Variants in DPYSL3 observed in about 807,000 individuals in gnomAD.
The protein encoded by DPYSL3 is dihydropyrimidinase like 3.
DPYSL3 carries 16 observed loss-of-function variants against 66.1 expected under a neutral mutation model. That is an observed-to-expected ratio of 0.24 (90% CI 0.16 to 0.37). The LOEUF is 0.37. DPYSL3 is among the 10% of genes least tolerant of loss of function. DPYSL3 has a pLI of 1.00. For synonymous variants in DPYSL3, 338 were observed against 345.1 expected, an observed-to-expected ratio of 0.98 and a Z score of 0.23; for missense variants, 738 against 916.2, an observed-to-expected ratio of 0.81 and a Z score of 2.51.
At position 147,472,467 on chromosome 5, in the gene DPYSL3, A is replaced by G. The variant is rs533568048; in HGVS notation, c.381+37011T>C. ...CCTCTTTTCATTTCTTCAGTGGAGA[A>G]TTCTTTGCTTCCAACCTCTTTGGGT... On this transcript the variant is annotated intron_variant, in intron 1 of 13. Transcript: ENST00000343218. Among the ~76,000 whole-genome samples, 72 of 152,308 alleles carry G rather than the reference A, an allele frequency of 4.7e-4. No homozygotes were observed. In the South Asian group the frequency reaches 6.0e-3, roughly 13 times the overall value.
chr5:147,404,336 C>A (rs1309854959), intron 8 of DPYSL3, among the ~76,000 whole-genome samples: 1 of 152,212 alleles, frequency 6.6e-6, no homozygotes, highest in Non-Finnish European at 1.5e-5. Context: ...GTGAAAGCCT[C>A]CCCTCTTGTA....
At position 147,474,881 on chromosome 5, in the gene DPYSL3, T is replaced by C. The variant is rs149907448; in HGVS notation, c.381+34597A>G. On this transcript the variant is annotated intron_variant, in intron 1 of 13. Coordinates refer to ENST00000343218, the MANE Select transcript of DPYSL3 (RefSeq NM_001197294.2). The stretch of plus-strand genomic sequence containing the variant: ...TGTAACTATCATCACAATCTAAGTG[T>C]AGAACATTTTCATCACTCAAAAAAT... Among the ~76,000 whole-genome samples, 341 of 152,170 alleles carry C rather than the reference T, an allele frequency of 2.2e-3. 1 individual carries two copies. Among genetic ancestry groups the C allele is most frequent in the Non-Finnish European group, 3.3e-3 (227 of 67,926 alleles).
At chr5:147,402,508 C>T (rs978236499) in intron 8 of DPYSL3, among the ~76,000 whole-genome samples, 7 of 148,104 alleles carry the variant, frequency 4.7e-5, no homozygotes, top group Non-Finnish European at 8.8e-5. Context: ...CCACCACGCC[C>T]GGCTAATTTT....
intron 1 of DPYSL3, among the ~76,000 whole-genome samples, chr5:147,481,721 A>G (rs1427074781): frequency 6.6e-6 from 1 of 152,034 alleles, no homozygotes; most frequent in Non-Finnish European, 1.5e-5. Flanking sequence ...GTGAGTTTGA[A>G]CTCTTGCTCA....
chr5:147,423,724 T>G (rs1049345515), intron 2 of DPYSL3, among the ~76,000 whole-genome samples: 1 of 151,922 alleles, frequency 6.6e-6, no homozygotes, highest in Non-Finnish European at 1.5e-5. Context: ...TTTGTTTGTT[T>G]GTTTTTGAGA....
chr5:147,442,844 CAA>C lies in DPYSL3; in HGVS notation c.382-17883_382-17882del, dbSNP rs11383280. On this transcript the variant is annotated intron_variant, in intron 1 of 13. Transcript: ENST00000343218. ...CATTTTAATAAATGGCAAATATAGT[CAA>C]AAAAAAAAATCTAGATGGGTATACT... Among the ~76,000 whole-genome samples the C allele has an allele frequency of 5.4e-5, 8 of 148,196 alleles. No individual in the cohort carries two copies. The East Asian group carries it at 7.8e-4, about 14-fold the overall frequency.
intron 1 of DPYSL3, among the ~76,000 whole-genome samples, chr5:147,440,033 C>T (rs1324278972): frequency 2.0e-5 from 3 of 152,124 alleles, no homozygotes; most frequent in Non-Finnish European, 4.4e-5. Flanking sequence ...CCAGGCACAG[C>T]GGCTCACGCC....
In DPYSL3 at chr5:147,509,812, A is replaced by C; in HGVS notation, c.47T>G (p.Leu16Arg). 1.3e-6 allele frequency: 2 copies of C among 1,535,756 alleles called. No homozygotes were observed. The highest frequency in any genetic ancestry group is 1.7e-6 in the Non-Finnish European group (2 of 1,146,646). The change falls in exon 1 of 14, where the codon CTG (leucine) becomes CGG (arginine). Residue 16 changes from leucine (L) to arginine (R), a missense_variant. Coordinates refer to ENST00000343218, the MANE Select transcript of DPYSL3 (RefSeq NM_001197294.2). The surrounding 1 kb of genome is among the most constrained non-coding windows in gnomAD (Gnocchi z 5.3). ...GCCCGGCCTGGCCAGGTACACGGGC[A>C]GATCGTCTTCGTGGGAGCTGTCCCA... ...RGWDSSHEDD[L>R]PVYLARPGTT... is the part of the protein sequence containing the mutation.
intron 1 of DPYSL3, among the ~76,000 whole-genome samples, chr5:147,495,060 A>C (rs1007301768): frequency 2.0e-4 from 31 of 152,282 alleles, no homozygotes; most frequent in African/African-American, 7.2e-4. Context: ...AACCAAATCA[A>C]TAATTACCTT....
intron 1 of DPYSL3, among the ~76,000 whole-genome samples, chr5:147,438,514 GCTTA>G (rs1253027896): frequency 1.3e-5 from 2 of 152,138 alleles, no homozygotes; most frequent in Non-Finnish European, 2.9e-5. Flanking sequence ...ATTCAAGACC[GCTTA>G]CTATCGGCAA....
chr5:147,501,556 C>A (rs1753613284), intron 1 of DPYSL3, among the ~76,000 whole-genome samples: 1 of 140,004 alleles, frequency 7.1e-6, no homozygotes, highest in African/African-American at 2.7e-5. Flanking sequence ...ACGATCTGGG[C>A]TCACTGCAAC....
intron 1 of DPYSL3, among the ~76,000 whole-genome samples, chr5:147,495,590 C>T (rs981255038): frequency 6.6e-6 from 1 of 152,158 alleles, no homozygotes; most frequent in Non-Finnish European, 1.5e-5. Flanking sequence ...CACAAGCACT[C>T]TTATACACCA....
intron 1 of DPYSL3, among the ~76,000 whole-genome samples, chr5:147,463,550 C>A (rs1236121371): frequency 1.3e-5 from 2 of 152,010 alleles, no homozygotes; most frequent in Non-Finnish European, 2.9e-5. Flanking sequence ...TTAATGCCCC[C>A]CAGAGGGCAT....
chr5:147,476,235 T>C (rs999545652), intron 1 of DPYSL3, among the ~76,000 whole-genome samples: 8 of 152,284 alleles, frequency 5.3e-5, no homozygotes, highest in Non-Finnish European at 1.2e-4. Context: ...CAATACTAAT[T>C]AGTTCCATGA....
intron 3 of DPYSL3, among the ~76,000 whole-genome samples, chr5:147,416,672 C>T (rs1362400634): frequency 3.9e-5 from 6 of 152,132 alleles, no homozygotes; most frequent in Non-Finnish European, 5.9e-5. Context: ...ATAAAAAACC[C>T]GGACATTTTT....
intron 1 of DPYSL3, among the ~76,000 whole-genome samples, chr5:147,489,595 C>G (rs1030925094): frequency 6.6e-6 from 1 of 152,210 alleles, no homozygotes; most frequent in Non-Finnish European, 1.5e-5. Flanking sequence ...GCACACACCC[C>G]TTGAACCTCA....
Position 147,411,769 on chromosome 5 carries a change from A to T in DPYSL3, c.963+839T>A, listed in dbSNP as rs1465478642. Among the ~76,000 whole-genome samples the T allele has an allele frequency of 2.0e-5, 3 of 152,214 alleles. No individual in the cohort carries two copies. The East Asian group carries it at 5.8e-4, about 29-fold the overall frequency. ...TCTGGTCAACTTCTAAAATAAAAGC[A>T]CAGCCCAAGTATTAGTGAGCTATGG... On this transcript the variant is annotated intron_variant, in intron 6 of 13. Coordinates refer to ENST00000343218, the MANE Select transcript of DPYSL3 (RefSeq NM_001197294.2).
At chr5:147,507,272 A>G (rs1188557432) in intron 1 of DPYSL3, among the ~76,000 whole-genome samples, 1 of 152,148 alleles carries the variant, frequency 6.6e-6, no homozygotes, top group East Asian at 1.9e-4. Context: ...AAATATATTT[A>G]CCCTTATATT....
intron 1 of DPYSL3, among the ~76,000 whole-genome samples, chr5:147,452,926 C>T (rs56016200): frequency 2.0e-4 from 23 of 117,350 alleles, no homozygotes; most frequent in African/African-American, 7.3e-4. Flanking sequence ...CACACACACA[C>T]ATAAAGTTGA....
Sources: allele counts gnomAD v4.1 joint callset (sites outside exome capture counted in the v4.1 genomes callset), GRCh38; gene constraint gnomAD v4.1.1; non-coding constraint Gnocchi (gnomAD v3.1); transcripts MANE v1.5; gene names NCBI Gene and HGNC (gene_info 2026-07-23, HGNC 2026-07-21).